RAD51B: variants seen among roughly 807,000 people sequenced by gnomAD.
RAD51B encodes DNA repair protein RAD51 homolog 2.
Under a neutral mutation model 42.2 loss-of-function variants are expected in RAD51B, and 38 were observed. The observed-to-expected ratio is 0.90, with a 90% confidence interval of 0.70 to 1.18. The LOEUF (loss-of-function observed/expected upper bound fraction) is 1.18. RAD51B is among the 50% of genes most tolerant of loss of function. The probability of loss-of-function intolerance (pLI) is 0.00; values close to 1 mark genes in which losing one functional copy is unlikely to be tolerated. For missense variants in RAD51B, 373 were observed against 400.7 expected (o/e 0.93, Z 0.59); for synonymous variants, 154 against 145.2 (o/e 1.06, Z -0.43).
chr14:68,063,131 T>C (rs1332309994), intron 7 of RAD51B, among the ~76,000 whole-genome samples: 1 of 152,130 alleles, frequency 6.6e-6, no homozygotes, highest in African/African-American at 2.4e-5. Flanking sequence ...TTTCTCTCTT[T>C]TTTGGCTAGC....
In RAD51B at chr14:67,823,716, G is replaced by A. The variant is rs34706521; in HGVS notation, c.84+89G>A. 3,003 of 948,466 alleles carry A rather than the reference G, an allele frequency of 3.2e-3. 105 individuals are homozygous for A. The East Asian group carries it at 0.07, about 22-fold the overall frequency. 58.8% of individuals were successfully genotyped at this position (948,466 alleles called of 1,614,324 possible). A position where few individuals can be genotyped will look rare whatever the true frequency, so the allele number is the denominator to read the frequency against. On this transcript the variant is annotated intron_variant, in intron 2 of 10. Transcript: ENST00000471583. ...CCTCTTAAACTTGAAATATGAAAAT[G>A]TAGGCTTACAAAAAAAAGATAAATG...
intron 10 of RAD51B, among the ~76,000 whole-genome samples, chr14:68,643,012 A>T (rs1036116614): frequency 1.0e-5 from 1 of 96,958 alleles, no homozygotes; most frequent in Non-Finnish European, 2.4e-5. Flanking sequence ...TTCATGGCCC[A>T]TGGTCTGTCT....
rs139095323 is a variant in RAD51B at position 68,528,233 on chromosome 14, C to G, written c.1036+59983C>G. Reference sequence around the variant, plus strand: ...CACTGTTTCATAGAAAAACTTCAGCCATTGAGAATGATGTCATTCATCATA... The same window carrying G: ...CACTGTTTCATAGAAAAACTTCAGCGATTGAGAATGATGTCATTCATCATA... On this transcript the variant is annotated intron_variant, in intron 10 of 10. Coordinates refer to the RAD51B transcript ENST00000487270. 1.1e-4 allele frequency among the ~76,000 whole-genome samples: 17 copies of G among 152,322 alleles called. No individual in the cohort carries two copies. The East Asian group carries it at 3.1e-3, about 28-fold the overall frequency.
At chr14:68,457,281 AAC>A (rs1445981233) in intron 9 of RAD51B, among the ~76,000 whole-genome samples, 2 of 152,098 alleles carry the variant, frequency 1.3e-5, no homozygotes, top group South Asian at 2.1e-4. Flanking sequence ...CAAATTTAAA[AAC>A]ACACACAGAC....
chr14:68,283,142 C>T (rs528389380), intron 7 of RAD51B, among the ~76,000 whole-genome samples: 1 of 152,298 alleles, frequency 6.6e-6, no homozygotes, highest in East Asian at 1.9e-4. Flanking sequence ...TCTTTCTAAT[C>T]CTCCTTGTAA....
chr14:68,349,684 C>T (rs1452234949), intron 8 of RAD51B, among the ~76,000 whole-genome samples: 3 of 152,088 alleles, frequency 2.0e-5, no homozygotes. Flanking sequence ...TTTTTATATC[C>T]ATGGGGAGCT....
chr14:68,222,834 C>T (rs924525245), intron 7 of RAD51B, among the ~76,000 whole-genome samples: 15 of 152,108 alleles, frequency 9.9e-5, no homozygotes, highest in Admixed American at 7.2e-4. Flanking sequence ...TTTGTTGACT[C>T]GTTATCTCTT....
intron 10 of RAD51B, among the ~76,000 whole-genome samples, chr14:68,564,669 A>G (rs988523649): frequency 6.6e-6 from 1 of 152,190 alleles, no homozygotes; most frequent in Non-Finnish European, 1.5e-5. Flanking sequence ...CACCACCACA[A>G]GGGCACCTTC....
At chr14:68,396,617 C>G (rs17105524) in intron 8 of RAD51B, among the ~76,000 whole-genome samples, 1,952 of 152,242 alleles carry the variant, frequency 0.013, 51 homozygotes, top group African/African-American at 0.044. Flanking sequence ...CTGGGATCAC[C>G]TTACATATTT....
chr14:68,490,033 C>T (rs955646323), intron 10 of RAD51B, among the ~76,000 whole-genome samples: 5 of 152,084 alleles, frequency 3.3e-5, no homozygotes, highest in South Asian at 2.1e-4. Flanking sequence ...AGCTGAGAGC[C>T]GTAACTACCG....
chr14:68,338,903 G>A (rs770388151), intron 8 of RAD51B: 2 of 650,984 alleles, frequency 3.1e-6, no homozygotes, highest in Admixed American at 1.9e-5. Context: ...TGTCTTCCGA[G>A]TTAACCTTTG....
At chr14:68,268,171 A>T (rs2081030183) in intron 7 of RAD51B, among the ~76,000 whole-genome samples, 1 of 152,206 alleles carries the variant, frequency 6.6e-6, no homozygotes, top group African/African-American at 2.4e-5. Flanking sequence ...CATTCTGGGA[A>T]CTATCACTTC....
chr14:67,996,599 A>G (rs12434879), intron 7 of RAD51B, among the ~76,000 whole-genome samples: 9 of 152,162 alleles, frequency 5.9e-5, no homozygotes, highest in Admixed American at 3.3e-4. Context: ...AAGGAACTCC[A>G]AGGAAGCCAA....
intron 4 of RAD51B, among the ~76,000 whole-genome samples, chr14:67,838,386 G>A (rs561115408): frequency 2.9e-4 from 44 of 152,072 alleles, no homozygotes; most frequent in African/African-American, 1.1e-3. Flanking sequence ...GTGGATGTGG[G>A]AAAAGAATGC....
At chr14:68,212,012 A>G (rs2079719956) in intron 7 of RAD51B, among the ~76,000 whole-genome samples, 1 of 152,250 alleles carries the variant, frequency 6.6e-6, no homozygotes, top group African/African-American at 2.4e-5. Context: ...TATGACAGAT[A>G]CATAACTGTT....
At chr14:68,269,353 C>T (rs1430332100) in intron 7 of RAD51B, among the ~76,000 whole-genome samples, 1 of 152,216 alleles carries the variant, frequency 6.6e-6, no homozygotes, top group Non-Finnish European at 1.5e-5. Context: ...TGACTCAGCC[C>T]TGCCCACTGC....
intron 7 of RAD51B, among the ~76,000 whole-genome samples, chr14:68,042,429 A>G (rs1381160223): frequency 6.6e-6 from 1 of 152,244 alleles, no homozygotes; most frequent in African/African-American, 2.4e-5. Context: ...AAAGCAAGGA[A>G]CAAAGAGGAA....
chr14:68,604,277 C>T (rs944293792), intron 10 of RAD51B, among the ~76,000 whole-genome samples: 2 of 122,274 alleles, frequency 1.6e-5, no homozygotes, highest in African/African-American at 6.5e-5. Flanking sequence ...CACAAGGCCA[C>T]GCCAATGAAG....
intron 9 of RAD51B, among the ~76,000 whole-genome samples, chr14:68,415,161 T>C (rs2084524688): frequency 6.6e-6 from 1 of 151,772 alleles, no homozygotes; most frequent in South Asian, 2.1e-4. Flanking sequence ...TCTCTGCCAG[T>C]AGAGCTGAGC....
Sources: allele counts gnomAD v4.1 joint callset (sites outside exome capture counted in the v4.1 genomes callset), GRCh38; gene constraint gnomAD v4.1.1; transcripts MANE v1.5; gene names NCBI Gene and HGNC (gene_info 2026-07-23, HGNC 2026-07-21).